CCDC150: variants seen among roughly 807,000 people sequenced by gnomAD.
The protein encoded by CCDC150 is coiled-coil domain-containing protein 150.
In CCDC150, 151 loss-of-function variants were observed where a neutral mutation model predicts 156.5. The ratio of observed to expected loss-of-function variants is 0.97; its 90% confidence interval spans 0.85 to 1.10. CCDC150 has a LOEUF of 1.10. Among genes scored for constraint, CCDC150 ranks in the 50% least tolerant of loss-of-function variants. The pLI is 0.00. For synonymous variants in CCDC150, 452 were observed against 429.4 expected (o/e 1.05, Z -0.65); for missense variants, 1,312 against 1,268.1 (o/e 1.03, Z -0.53).
chr2:196,696,874 CT>C (rs889159499), intron 14 of CCDC150, among the ~76,000 whole-genome samples: 7 of 152,192 alleles, frequency 4.6e-5, no homozygotes, highest in African/African-American at 1.4e-4. Flanking sequence ...ATACACATGA[CT>C]GTGTGTTGTG....
chr2:196,686,183 TG>T, intron 13 of CCDC150: 1 of 291,804 alleles, frequency 3.4e-6, no homozygotes, highest in Admixed American at 3.9e-5. Flanking sequence ...AAACTGCTGC[TG>T]GAATGCTTAC....
chr2:196,661,875 A>G (rs977391089), intron 5 of CCDC150, among the ~76,000 whole-genome samples: 6 of 152,238 alleles, frequency 3.9e-5, no homozygotes, highest in African/African-American at 9.6e-5. Flanking sequence ...TTCTTTAAAA[A>G]GGTGGCCAGC....
Position 196,655,392 on chromosome 2 carries a change from A to T in CCDC150, c.177-1241A>T, listed in dbSNP as rs191905511. Among the ~76,000 whole-genome samples the T allele has an allele frequency of 2.6e-5, 4 of 152,270 alleles. 1 individual carries two copies. The East Asian group carries it at 7.8e-4, about 30-fold the overall frequency. On this transcript the variant is annotated intron_variant, in intron 2 of 27. Transcript: ENST00000389175. ...GCTGTAGAAGTTATGTCACTAGATA[A>T]GTGGACAAACTACTTTTAGGAAGCT... is the stretch of plus-strand genomic sequence containing the variant.
In CCDC150 at chr2:196,732,366, C is replaced by T. The variant is rs1185073163; in HGVS notation, c.3190-80C>T. The T allele has an allele frequency of 4.3e-6, 5 of 1,175,904 alleles. No individual in the cohort carries two copies. The African/African-American group carries it at 4.5e-5, about 11-fold the overall frequency. 72.8% of individuals were successfully genotyped at this position (1,175,904 alleles called of 1,614,324 possible). On this transcript the variant is annotated intron_variant, in intron 27 of 27. Coordinates refer to ENST00000389175, the MANE Select transcript of CCDC150 (RefSeq NM_001080539.2). ...ATCACTTGTCTTCATGAATAGATGACATGTGTAGAGGCAAAACAGGTGCAG... is the reference window on the plus strand; with the variant it reads ...ATCACTTGTCTTCATGAATAGATGATATGTGTAGAGGCAAAACAGGTGCAG...
chr2:196,654,677 A>G (rs1452941820), intron 2 of CCDC150, among the ~76,000 whole-genome samples: 5 of 152,034 alleles, frequency 3.3e-5, no homozygotes, highest in Non-Finnish European at 5.9e-5. Context: ...CATCTTTATG[A>G]CCATTATTTT....
At chr2:196,692,696 T>C (rs537499971) in intron 13 of CCDC150, among the ~76,000 whole-genome samples, 1 of 152,344 alleles carries the variant, frequency 6.6e-6, no homozygotes, top group South Asian at 2.1e-4. Flanking sequence ...GAGACTGTTA[T>C]AATTTCCGTT....
intron 5 of CCDC150, among the ~76,000 whole-genome samples, chr2:196,661,826 C>T (rs576891289): frequency 7.2e-5 from 11 of 152,058 alleles, no homozygotes; most frequent in Admixed American, 2.0e-4. Context: ...AGGTATATCA[C>T]GTATAAAAGA....
rs573140505 is a variant in CCDC150, at chr2:196,713,804, TAGAAA to T, written c.1866+1067_1866+1071del. The stretch of plus-strand genomic sequence containing the variant: ...ACAAGGAAATAAGGTTCTTCACAAA[TAGAAA>T]AAAGACTAATATAGATTGAAACCAT... On this transcript the variant is annotated intron_variant, in intron 17 of 27. Transcript: ENST00000389175. 3.6e-6 allele frequency: 4 copies of T among 1,108,638 alleles called. No homozygotes were observed. In the African/African-American group the frequency reaches 6.4e-5, roughly 18 times the overall value. 68.7% of individuals were successfully genotyped at this position (1,108,638 alleles called of 1,614,324 possible).
At chr2:196,675,203 A>G (rs1694421073) in intron 10 of CCDC150, among the ~76,000 whole-genome samples, 2 of 152,126 alleles carry the variant, frequency 1.3e-5, no homozygotes, top group Non-Finnish European at 2.9e-5. Flanking sequence ...TTTATTTCTC[A>G]TAGTGCTAAG....
rs1331971969 is a variant in CCDC150, at chr2:196,666,751, A to G, written c.795A>G (p.Leu265=). The G allele has an allele frequency of 6.2e-6, 10 of 1,611,556 alleles. No individual in the cohort carries two copies. The highest frequency in any genetic ancestry group is 3.3e-5 in the South Asian group (3 of 90,710). The change falls in exon 7 of 28, where the codon CTA becomes CTG. Residue 265 remains leucine (L), a synonymous_variant. Transcript: ENST00000389175. The part of the protein sequence containing the change: ...VHILQQNCIA[L]RDSIQSAQEL... Reference sequence around the variant, plus strand: ...TTTTGCAGCAAAACTGCATTGCTCTACGTGATTCTATACAGAGCGCTCAAG... The same window carrying G: ...TTTTGCAGCAAAACTGCATTGCTCTGCGTGATTCTATACAGAGCGCTCAAG...
intron 2 of CCDC150, among the ~76,000 whole-genome samples, chr2:196,654,054 A>C (rs1233288553): frequency 1.3e-5 from 2 of 152,134 alleles, no homozygotes; most frequent in Non-Finnish European, 2.9e-5. Flanking sequence ...CTCTTGTGTG[A>C]ACAAAAAGTG....
At chr2:196,705,934 A>G (rs1696596214) in intron 15 of CCDC150, among the ~76,000 whole-genome samples, 1 of 152,220 alleles carries the variant, frequency 6.6e-6, no homozygotes, top group Admixed American at 6.5e-5. Flanking sequence ...TGCCAGTACC[A>G]TGCTGTTTTG....
At chr2:196,714,742 C>T (rs1362336279) in intron 17 of CCDC150, among the ~76,000 whole-genome samples, 1 of 152,092 alleles carries the variant, frequency 6.6e-6, no homozygotes, top group Non-Finnish European at 1.5e-5. Context: ...TCCTGCCTCA[C>T]TACTATTTAG....
intron 2 of CCDC150, among the ~76,000 whole-genome samples, chr2:196,653,698 A>G (rs1397697304): frequency 6.6e-6 from 1 of 151,132 alleles, no homozygotes; most frequent in East Asian, 1.9e-4. Context: ...AGCCCTCCAA[A>G]CTCTTCCAAT....
intron 15 of CCDC150, among the ~76,000 whole-genome samples, chr2:196,703,953 G>A (rs2125672287): frequency 6.6e-6 from 1 of 152,222 alleles, no homozygotes; most frequent in East Asian, 1.9e-4. Flanking sequence ...TGATTCATTG[G>A]TGCTTTTATG....
intron 2 of CCDC150, among the ~76,000 whole-genome samples, chr2:196,653,131 G>C (rs1692980205): frequency 6.6e-6 from 1 of 152,182 alleles, no homozygotes; most frequent in African/African-American, 2.4e-5. Flanking sequence ...CATTGCGTTG[G>C]CTATTAGCAT....
intron 17 of CCDC150, chr2:196,713,342 T>C: frequency 6.9e-7 from 1 of 1,445,704 alleles, no homozygotes; most frequent in African/African-American, 1.4e-5. Flanking sequence ...TTATTGTTTT[T>C]ATTAATAATT....
intron 9 of CCDC150, among the ~76,000 whole-genome samples, chr2:196,672,984 G>GT (rs1433965575): frequency 6.6e-6 from 1 of 152,092 alleles, no homozygotes; most frequent in East Asian, 1.9e-4. Flanking sequence ...CAAAAGAAGT[G>GT]TTTATCATTT....
intron 17 of CCDC150, chr2:196,713,351 T>C (rs1219398226): frequency 1.4e-6 from 2 of 1,453,694 alleles, no homozygotes; most frequent in African/African-American, 1.4e-5. Context: ...TTATTAATAA[T>C]TGACGATGCC....
Sources: gnomAD v4.1 joint callset for allele counts (sites outside exome capture counted in the v4.1 genomes callset) on GRCh38, gnomAD v4.1.1 for gene constraint, MANE v1.5 for transcripts, NCBI Gene and HGNC (gene_info 2026-07-23, HGNC 2026-07-21) for gene names.